The following ATXN7 variants were observed in gnomAD, a reference collection of about 807,000 sequenced individuals.
ATXN7 encodes the protein ataxin 7.
Under a neutral mutation model 70.5 loss-of-function variants are expected in ATXN7, and 12 were observed. The ratio of observed to expected loss-of-function variants is 0.17; its 90% CI spans 0.11 to 0.28. ATXN7 has a LOEUF of 0.28. Among genes scored for constraint, ATXN7 ranks in the 10% least tolerant of loss-of-function variants. ATXN7 has a pLI of 1.00. For missense variants in ATXN7, 1,256 were observed against 1,131.7 expected, an observed-to-expected ratio of 1.11 and a Z score of -1.58; for synonymous variants, 498 against 448.7, an observed-to-expected ratio of 1.11 and a Z score of -1.39.
intron 4 of ATXN7, among the ~76,000 whole-genome samples, chr3:63,952,171 A>G (rs1009296878): frequency 6.6e-6 from 1 of 152,192 alleles, no homozygotes; most frequent in Admixed American, 6.5e-5. Flanking sequence ...ACCACATCAT[A>G]ATTATTTTTG....
At chr3:63,925,552 C>G (rs370501085) in intron 4 of ATXN7, among the ~76,000 whole-genome samples, 1 of 152,180 alleles carries the variant, frequency 6.6e-6, no homozygotes, top group Non-Finnish European at 1.5e-5. Flanking sequence ...CCTGACCCCC[C>G]CAACCCTGGT....
At chr3:63,966,333 C>G (rs2075221585) in intron 5 of ATXN7, among the ~76,000 whole-genome samples, 1 of 152,146 alleles carries the variant, frequency 6.6e-6, no homozygotes, top group Admixed American at 6.5e-5. Flanking sequence ...GTGAACAATA[C>G]TAAGACCTGT....
intron 1 of ATXN7, among the ~76,000 whole-genome samples, chr3:63,880,210 G>A (rs1305126874): frequency 6.6e-6 from 1 of 152,268 alleles, no homozygotes; most frequent in East Asian, 1.9e-4. Context: ...TATGAATGGT[G>A]AAAAGAGGTC....
At chr3:63,907,953 C>G (rs114698767) in intron 2 of ATXN7, among the ~76,000 whole-genome samples, 3,584 of 152,160 alleles carry the variant, frequency 0.024, 77 homozygotes, top group African/African-American at 0.059. Flanking sequence ...CTTCTCTTTT[C>G]AAGCAATTTG....
intron 1 of ATXN7, among the ~76,000 whole-genome samples, chr3:63,889,692 G>A (rs1327401598): frequency 6.6e-6 from 1 of 152,214 alleles, no homozygotes; most frequent in Non-Finnish European, 1.5e-5. Context: ...ATAGCACTGA[G>A]CAAATAGAAA....
chr3:63,871,446 A>G (rs1427363105), intron 1 of ATXN7, among the ~76,000 whole-genome samples: 1 of 152,230 alleles, frequency 6.6e-6, no homozygotes, highest in African/African-American at 2.4e-5. Context: ...CATTACAAAA[A>G]AAGAAAAAAA....
chr3:63,884,976 G>A (rs1215630135), intron 1 of ATXN7, among the ~76,000 whole-genome samples: 1 of 152,084 alleles, frequency 6.6e-6, no homozygotes, highest in Non-Finnish European at 1.5e-5. Context: ...CATCTTTTAA[G>A]TCTGAGCTGT....
chr3:63,984,104 T>C (rs1246774339), intron 8 of ATXN7, among the ~76,000 whole-genome samples: 1 of 152,118 alleles, frequency 6.6e-6, no homozygotes, highest in Non-Finnish European at 1.5e-5. Flanking sequence ...GTTCTTACTT[T>C]AAGCTTCTAA....
intron 2 of ATXN7, among the ~76,000 whole-genome samples, chr3:63,908,838 A>G (rs1216565792): frequency 6.6e-6 from 1 of 152,216 alleles, no homozygotes; most frequent in African/African-American, 2.4e-5. Flanking sequence ...CTTGGCATCT[A>G]CTGAGAACAT....
rs772535779 is a variant in ATXN7 at position 63,988,050 on chromosome 3, G to T, written c.1096-9G>T. The T allele has an allele frequency of 2.1e-5, 34 of 1,605,348 alleles. No homozygotes were observed. In the East Asian group the frequency reaches 7.4e-4, roughly 35 times the overall value. On this transcript the variant is annotated splice_polypyrimidine_tract_variant and intron_variant, in intron 8 of 12. Coordinates refer to ENST00000674280, the MANE Select transcript of ATXN7 (RefSeq NM_001377405.1). ...GATTCCTCAGTTTCTGTATTTTTTT[G>T]GTCCACAGACACATTCCTTAACCCA...
intron 1 of ATXN7, among the ~76,000 whole-genome samples, chr3:63,870,228 G>A (rs188958149): frequency 6.5e-4 from 99 of 152,192 alleles, no homozygotes; most frequent in African/African-American, 2.1e-3. Flanking sequence ...TATGTGTCAC[G>A]TCATATTTTA....
intron 6 of ATXN7, 32 bp downstream of exon 6, chr3:63,980,199 A>C (rs748789960): frequency 6.2e-6 from 10 of 1,612,626 alleles, no homozygotes; most frequent in Non-Finnish European, 8.5e-6. Context: ...TTTAAAGCTT[A>C]CCTGCTGGAA....
chr3:63,917,289 A>T (rs2107309692), intron 4 of ATXN7, among the ~76,000 whole-genome samples: 1 of 152,322 alleles, frequency 6.6e-6, no homozygotes, highest in Non-Finnish European at 1.5e-5. Flanking sequence ...TTTTGAAATG[A>T]TTAAGACAAA....
intron 1 of ATXN7, among the ~76,000 whole-genome samples, chr3:63,891,034 G>T (rs1703244037): frequency 6.6e-6 from 1 of 152,042 alleles, no homozygotes; most frequent in Admixed American, 6.6e-5. Flanking sequence ...TTTTGAGACA[G>T]AGTCTTGCTC....
At chr3:63,992,870 G>A (rs765011024) in intron 11 of ATXN7, among the ~76,000 whole-genome samples, 11 of 152,138 alleles carry the variant, frequency 7.2e-5, no homozygotes, top group Non-Finnish European at 1.3e-4. Context: ...GAGTGCTGGC[G>A]GCCTTTTCAG....
At position 63,999,625 on chromosome 3, in the gene ATXN7, G is replaced by C. The variant is rs1482144403; in HGVS notation, c.*158G>C. On this transcript the variant is annotated 3_prime_UTR_variant, in exon 13 of 13. Coordinates refer to ENST00000674280, the MANE Select transcript of ATXN7 (RefSeq NM_001377405.1). ...CCTGCCGGGCTGTTGTTTTAACGAG[G>C]ATTTCCCTGAAGCTATGTCTCTAGC... 1 of 1,334,042 alleles carries C rather than the reference G, an allele frequency of 7.5e-7. No individual in the cohort carries two copies. The highest frequency in any genetic ancestry group is 2.5e-5 in the East Asian group (1 of 39,876). 82.6% of individuals were successfully genotyped at this position (1,334,042 alleles called of 1,614,324 possible).
Position 63,863,944 on chromosome 3 carries a change from C to T in ATXN7, c.-325C>T. ...CGCCTGCTCCGACGCCTGAGCCGCG[C>T]CGCGCCGCGCCGCCGCCGCCGCCGC... is the stretch of plus-strand genomic sequence containing the variant. On this transcript the variant is annotated 5_prime_UTR_variant, in exon 1 of 13. Transcript: ENST00000674280. 7.1e-6 allele frequency: 1 copy of T among 139,968 alleles called. No homozygotes were observed. Among genetic ancestry groups the T allele is most frequent in the Non-Finnish European group, 1.3e-5 (1 of 79,258 alleles). The allele number at this position is 139,968 out of a possible 1,614,324, so 8.7% of individuals were successfully genotyped here.
chr3:63,913,199 G>C lies in ATXN7; in HGVS notation c.368G>C (p.Arg123Pro), dbSNP rs551760285. Residue 123 changes from arginine to proline, a missense_variant, in exon 4 of 13, where the codon CGC (arginine) becomes CCC (proline). Physicochemically the swap from Arg to Pro is moderately radical, Grantham distance 103. Coordinates refer to ENST00000674280, the MANE Select transcript of ATXN7 (RefSeq NM_001377405.1). ...DESFKEFGKNREVMGLCREDM... is the reference protein window; with the variant it reads ...DESFKEFGKNPEVMGLCREDM... ...AGTTTCAAGGAGTTTGGGAAAAACCGCGAAGTCATGGGGCTCTGTCGGGAA... is the reference window on the plus strand; with the variant it reads ...AGTTTCAAGGAGTTTGGGAAAAACCCCGAAGTCATGGGGCTCTGTCGGGAA... 1 of 1,613,876 alleles carries C rather than the reference G, an allele frequency of 6.2e-7. No homozygotes were observed. Among genetic ancestry groups the C allele is most frequent in the East Asian group, 2.2e-5 (1 of 44,842 alleles).
chr3:63,942,457 C>G (rs550249871), intron 4 of ATXN7, among the ~76,000 whole-genome samples: 1 of 152,150 alleles, frequency 6.6e-6, no homozygotes, highest in African/African-American at 2.4e-5. Context: ...TTATACGTAT[C>G]AACACTTCGC....
Sources: gnomAD v4.1 joint callset for allele counts (sites outside exome capture counted in the v4.1 genomes callset) on GRCh38, gnomAD v4.1.1 for gene constraint, MANE v1.5 for transcripts, NCBI Gene and HGNC (gene_info 2026-07-23, HGNC 2026-07-21) for gene names.